The following NELL2 variants were observed in gnomAD, a reference collection of about 807,000 sequenced individuals.
The protein encoded by NELL2 is protein kinase C-binding protein NELL2.
NELL2 carries 41 observed loss-of-function variants against 109.6 expected under a neutral mutation model. The ratio of observed to expected loss-of-function variants is 0.37; its 90% CI spans 0.29 to 0.49. NELL2 has a LOEUF of 0.49. Among genes scored for constraint, NELL2 ranks in the 20% least tolerant of loss-of-function variants. The pLI is 0.98. For missense variants in NELL2, 900 were observed against 1,008.3 expected (o/e 0.89, Z 1.45); for synonymous variants, 355 against 344.7 (o/e 1.03, Z -0.33).
At chr12:44,521,336 C>T (rs564698802) in intron 18 of NELL2, among the ~76,000 whole-genome samples, 1 of 151,912 alleles carries the variant, frequency 6.6e-6, no homozygotes, top group South Asian at 2.1e-4. Context: ...CGAGACCATC[C>T]CGGCTAAAAC....
intron 3 of NELL2, among the ~76,000 whole-genome samples, chr12:44,796,053 TTCTC>T (rs1566416333): frequency 1.3e-5 from 2 of 152,072 alleles, no homozygotes; most frequent in African/African-American, 4.8e-5. Context: ...AAGTTAAAAA[TTCTC>T]TCTAAGCCTC....
intron 2 of NELL2, among the ~76,000 whole-genome samples, chr12:44,824,552 C>T (rs1181388746): frequency 2.0e-5 from 3 of 152,030 alleles, no homozygotes; most frequent in African/African-American, 4.8e-5. Flanking sequence ...GAAAATCAAT[C>T]GACTAGAAAT....
At chr12:44,533,861 T>G (rs11182526) in intron 15 of NELL2, among the ~76,000 whole-genome samples, 1 of 150,438 alleles carries the variant, frequency 6.6e-6, no homozygotes, top group East Asian at 1.9e-4. Flanking sequence ...GCCAAAAATA[T>G]CCACATGTCT....
At chr12:44,565,116 C>T (rs530277823) in intron 15 of NELL2, among the ~76,000 whole-genome samples, 3 of 152,054 alleles carry the variant, frequency 2.0e-5, no homozygotes, top group African/African-American at 7.2e-5. Context: ...TCTGTGTGTG[C>T]CTTAAAGTTT....
At chr12:44,522,346 G>T (rs1318241647) in intron 17 of NELL2, among the ~76,000 whole-genome samples, 170 bp from the exon 18 acceptor site, 1 of 151,950 alleles carries the variant, frequency 6.6e-6, no homozygotes, top group Non-Finnish European at 1.5e-5. Flanking sequence ...CTAACACAAA[G>T]AAATTACCTA....
intron 9 of NELL2, among the ~76,000 whole-genome samples, chr12:44,729,315 C>CTGTTGTTT (rs1939241031): frequency 6.6e-6 from 1 of 151,700 alleles, no homozygotes; most frequent in African/African-American, 2.4e-5. Context: ...ATGTCAGCCC[C>CTGTTGTTT]ATGGTAACAA....
intron 15 of NELL2, among the ~76,000 whole-genome samples, chr12:44,542,844 T>C (rs1254502159): frequency 6.6e-6 from 1 of 152,120 alleles, no homozygotes; most frequent in Non-Finnish European, 1.5e-5. Context: ...GAATGCTTCA[T>C]TCTTCATCTG....
At chr12:44,592,009 T>C (rs752139058) in intron 15 of NELL2, among the ~76,000 whole-genome samples, 7 of 152,166 alleles carry the variant, frequency 4.6e-5, no homozygotes, top group Non-Finnish European at 8.8e-5. Flanking sequence ...GGATACTTCT[T>C]GTTAGACAAA....
intron 15 of NELL2, among the ~76,000 whole-genome samples, chr12:44,546,153 G>A (rs1455400484): frequency 6.6e-6 from 1 of 152,122 alleles, no homozygotes; most frequent in African/African-American, 2.4e-5. Context: ...GTATTTATTT[G>A]CAAGCTAACT....
At chr12:44,777,839 C>A (rs1034774300) in intron 5 of NELL2, among the ~76,000 whole-genome samples, 1 of 152,106 alleles carries the variant, frequency 6.6e-6, no homozygotes, top group African/African-American at 2.4e-5. Context: ...ACAGCTACAG[C>A]AAAATATAGT....
intron 2 of NELL2, among the ~76,000 whole-genome samples, chr12:44,843,213 T>TAA (rs559615746): frequency 6.8e-6 from 1 of 146,804 alleles, no homozygotes; most frequent in Non-Finnish European, 1.5e-5. Context: ...GCTCAACAAT[T>TAA]AAAAAAAAAA....
chr12:44,918,517 A>ATGTGTGTGTGTG (rs10589306), upstream of NELL2, among the ~76,000 whole-genome samples: 7 of 123,880 alleles, frequency 5.7e-5, no homozygotes, highest in African/African-American at 1.3e-4. Context: ...GCATGCATGT[A>ATGTGTGTGTGTG]TGTGTGTGTG....
chr12:44,649,565 T>C (rs535856123), intron 13 of NELL2, among the ~76,000 whole-genome samples: 1 of 152,264 alleles, frequency 6.6e-6, no homozygotes, highest in South Asian at 2.1e-4. Context: ...GGGTGATACA[T>C]ACTACAATTG....
At chr12:44,529,294 A>T (rs1418069596) in intron 16 of NELL2, among the ~76,000 whole-genome samples, 1 of 152,170 alleles carries the variant, frequency 6.6e-6, no homozygotes, top group Non-Finnish European at 1.5e-5. Context: ...GAGGAAAAGA[A>T]GGAAGGAAAC....
chr12:44,521,939 T>C (rs1941558694), intron 18 of NELL2, 61 bp downstream of exon 18: 2 of 1,559,122 alleles, frequency 1.3e-6, no homozygotes, highest in African/African-American at 1.4e-5. Flanking sequence ...GAGGACGAGG[T>C]TGCTTCTCTA....
At chr12:44,863,969 G>A (rs1944915686) in intron 2 of NELL2, among the ~76,000 whole-genome samples, 1 of 151,978 alleles carries the variant, frequency 6.6e-6, no homozygotes, top group East Asian at 1.9e-4. Flanking sequence ...TGAGATCAAA[G>A]TTAAGTTGTT....
chr12:44,582,538 CAATT>C (rs1395182311), intron 15 of NELL2, among the ~76,000 whole-genome samples: 2 of 151,826 alleles, frequency 1.3e-5, no homozygotes, highest in African/African-American at 4.8e-5. Flanking sequence ...CAAAGTTAAA[CAATT>C]AATGAAGTGA....
intron 1 of NELL2, among the ~76,000 whole-genome samples, chr12:44,920,927 T>C (rs890984138): frequency 1.1e-4 from 16 of 152,226 alleles, no homozygotes; most frequent in Non-Finnish European, 1.5e-5. Context: ...CCCTCATTTA[T>C]TGACTGATGG....
Position 44,840,933 on chromosome 12 carries a change from C to G in NELL2, c.185-24797G>C, listed in dbSNP as rs181089852. Among the ~76,000 whole-genome samples the G allele has an allele frequency of 1.1e-3, 164 of 152,108 alleles. 2 individuals are homozygous for G. The highest frequency in any genetic ancestry group is 1.9e-3 in the Non-Finnish European group (130 of 68,014). On this transcript the variant is annotated intron_variant, in intron 2 of 19. Coordinates refer to ENST00000429094, the MANE Select transcript of NELL2 (RefSeq NM_001145108.2). ...GTTGTTTATGTGTGTAAATTTGAGGCGATAACAAGTAGTTTTGTAGAACAC... is the reference window on the plus strand; with the variant it reads ...GTTGTTTATGTGTGTAAATTTGAGGGGATAACAAGTAGTTTTGTAGAACAC...
Sources: gnomAD v4.1 joint callset for allele counts (sites outside exome capture counted in the v4.1 genomes callset) on GRCh38, gnomAD v4.1.1 for gene constraint, MANE v1.5 for transcripts, NCBI Gene and HGNC (gene_info 2026-07-23, HGNC 2026-07-21) for gene names.